Variants in TTF2 observed in about 807,000 individuals in gnomAD.
TTF2 encodes the protein RNA polymerase II termination factor.
A neutral mutation model predicts 142.4 loss-of-function variants in TTF2; 108 were observed. The ratio of observed to expected loss-of-function variants is 0.76; its 90% CI spans 0.65 to 0.89. The LOEUF is 0.89. Ranked by LOEUF, TTF2 falls within the 40% of genes least tolerant of loss-of-function variation. The pLI is 0.00. For synonymous variants in TTF2, 483 were observed against 506.2 expected, an observed-to-expected ratio of 0.95 and a Z score of 0.61; for missense variants, 1,327 against 1,379.8, an observed-to-expected ratio of 0.96 and a Z score of 0.61.
Position 117,092,885 on chromosome 1 carries a change from T to G in TTF2, c.2960T>G (p.Met987Arg). 1 of 1,614,184 alleles carries G rather than the reference T, an allele frequency of 6.2e-7. No individual in the cohort carries two copies. Among genetic ancestry groups the G allele is most frequent in the Non-Finnish European group, 8.5e-7 (1 of 1,180,038 alleles). The change falls in exon 18 of 23, where the codon ATG (methionine) becomes AGG (arginine). Residue 987 changes from methionine (M) to arginine (R), a missense_variant. Transcript: ENST00000369466. The surrounding 1 kb of genome is among the most constrained non-coding windows in gnomAD (Gnocchi z 4.4). ...TTCAAGATGGAGCTTTTTGAAGGCA[T>G]GCGAGAGAGCACCAAGGTACTTTTT... ...TFFKMELFEG[M>R]RESTKISSLL...
intron 21 of TTF2, chr1:117,098,236 G>A (rs1649326452): frequency 6.6e-6 from 1 of 151,454 alleles, no homozygotes; most frequent in African/African-American, 2.4e-5. Flanking sequence ...AGATTTTAAA[G>A]AGGTAAGATG....
rs537802245 is a variant in TTF2, at chr1:117,069,353, T to A, written c.219-4308T>A. On this transcript the variant is annotated intron_variant, in intron 3 of 22. Coordinates refer to ENST00000369466, the MANE Select transcript of TTF2 (RefSeq NM_003594.4). ...GGTTCTGTGACTCTAAGACATACAG[T>A]TCAGGGCTAGGAAGGTTACAGAGAA... Among the ~76,000 whole-genome samples the A allele has an allele frequency of 2.0e-5, 3 of 152,262 alleles. No individual in the cohort carries two copies. In the East Asian group the frequency reaches 5.8e-4, roughly 29 times the overall value.
Position 117,101,215 on chromosome 1 carries a change from T to C in TTF2, c.3345-165T>C, listed in dbSNP as rs1649557135. Among the ~76,000 whole-genome samples the C allele has an allele frequency of 6.6e-6, 1 of 152,222 alleles. No individual in the cohort carries two copies. The highest frequency in any genetic ancestry group is 2.4e-5 in the African/African-American group (1 of 41,458). On this transcript the variant is annotated intron_variant, in intron 22 of 22. Coordinates refer to ENST00000369466, the MANE Select transcript of TTF2 (RefSeq NM_003594.4). The surrounding 1 kb of genome is among the most constrained non-coding windows in gnomAD (Gnocchi z 5.9). ...TCCTTTTAAAGGGATATATATCTAG[T>C]CAAGGTTGTTTGGATTCCTCAGACA...
rs1433985720 is a variant in TTF2 at position 117,060,578 on chromosome 1, C to T, written c.131+21C>T. ...ACCGAGTAGGTCTGGAGCTGGGCCC[C>T]ACTCCCTGTGGCTGCCCGGGGCCTC... On this transcript the variant is annotated intron_variant, in intron 2 of 22. Transcript: ENST00000369466. 6 of 1,584,732 alleles carry T rather than the reference C, an allele frequency of 3.8e-6. No homozygotes were observed. The African/African-American group carries it at 5.4e-5, about 14-fold the overall frequency.
rs376928230 is a variant in TTF2 at position 117,084,168 on chromosome 1, T to G, written c.2054T>G (p.Val685Gly). The part of the protein sequence containing the change: ...HGPNRDSRAR[V>G]LSTYDIVITT... Reference sequence around the variant, plus strand: ...CCAAACCGGGATTCACGTGCCAGAGTGTAAGTGCAGGAATACGCAGTTGTG... The same window carrying G: ...CCAAACCGGGATTCACGTGCCAGAGGGTAAGTGCAGGAATACGCAGTTGTG... The change falls in exon 11 of 23, where the codon GTC becomes GGC. Residue 685 changes from valine to glycine, a missense_variant and splice_region_variant. Val to Gly is a moderately radical substitution (Grantham distance 109). Transcript: ENST00000369466. 2 of 1,613,896 alleles carry G rather than the reference T, an allele frequency of 1.2e-6. No homozygotes were observed. The highest frequency in any genetic ancestry group is 1.7e-6 in the Non-Finnish European group (2 of 1,180,006).
At chr1:117,072,079 G>A (rs1458178981) in intron 3 of TTF2, among the ~76,000 whole-genome samples, 3 of 152,188 alleles carry the variant, frequency 2.0e-5, no homozygotes, top group East Asian at 1.9e-4. Flanking sequence ...CCCATGCAAA[G>A]TCTAGTAGAC....
chr1:117,077,961 G>T lies in TTF2; in HGVS notation c.1619G>T (p.Ser540Ile). ...GTTCATGCAGTGTGGAAAATCACAAGTGAAGCCATCGGTCAACTGCATCGC... is the reference window on the plus strand; with the variant it reads ...GTTCATGCAGTGTGGAAAATCACAATTGAAGCCATCGGTCAACTGCATCGC... ...DHVHAVWKIT[S>I]EAIGQLHRSL... Residue 540 changes from serine to isoleucine, a missense_variant, in exon 8 of 23, where the codon AGT (serine) becomes ATT (isoleucine). Coordinates refer to ENST00000369466, the MANE Select transcript of TTF2 (RefSeq NM_003594.4). The T allele has an allele frequency of 6.2e-7, 1 of 1,614,182 alleles. No individual in the cohort carries two copies. Among genetic ancestry groups the T allele is most frequent in the South Asian group, 1.1e-5 (1 of 91,070 alleles).
chr1:117,086,443 C>G lies in TTF2; in HGVS notation c.2081C>G (p.Thr694Ser), dbSNP rs1648019767. ...CTCTCTACATATGACATCGTGATCA[C>G]TACCTATAGCCTCGTGGCCAAGGAG... ...RVLSTYDIVI[T>S]TYSLVAKEIP... Residue 694 changes from threonine (T) to serine (S), a missense_variant, in exon 12 of 23, where the codon ACT (threonine) becomes AGT (serine). By Grantham distance (58) the Thr-to-Ser change is moderately conservative (BLOSUM62 1). Transcript: ENST00000369466. This position sits in a 1 kb window ranked among gnomAD's most constrained non-coding sequence, Gnocchi z 4.2. 6.2e-7 allele frequency: 1 copy of G among 1,613,960 alleles called. No homozygotes were observed. Among genetic ancestry groups the G allele is most frequent in the African/African-American group, 1.3e-5 (1 of 74,898 alleles).
intron 11 of TTF2, 107 bp downstream of exon 11, chr1:117,084,275 G>T: frequency 7.1e-7 from 1 of 1,404,958 alleles, no homozygotes; most frequent in Admixed American, 2.0e-5. Context: ...ACGCGTATTT[G>T]TGAAAGCCAA....
intron 18 of TTF2, among the ~76,000 whole-genome samples, 170 bp from the exon 19 acceptor site, chr1:117,095,139 C>T (rs767019980): frequency 3.3e-5 from 5 of 152,176 alleles, no homozygotes; most frequent in Non-Finnish European, 7.3e-5. Flanking sequence ...GGTGAAGTGA[C>T]AAACTCACAT....
At position 117,062,470 on chromosome 1, in the gene TTF2, A is replaced by C. The variant is rs1655760952; in HGVS notation, c.215A>C (p.Tyr72Ser). ...CTTCTGCCACAGGACAAGAAAGAAT[A>C]CAGGTAAGGGTCCAAAAGGAACATC... ...GLLLPQDKKE[Y>S]RLFFRCIRSK... Residue 72 changes from tyrosine to serine, a missense_variant, in exon 3 of 23, where the codon TAC becomes TCC. Tyr to Ser is a moderately radical substitution (Grantham distance 144). Coordinates refer to ENST00000369466, the MANE Select transcript of TTF2 (RefSeq NM_003594.4). The C allele has an allele frequency of 6.2e-7, 1 of 1,611,490 alleles. No homozygotes were observed. Among genetic ancestry groups the C allele is most frequent in the Non-Finnish European group, 8.5e-7 (1 of 1,179,450 alleles).
At chr1:117,077,404 A>G (rs930622907) in intron 7 of TTF2, among the ~76,000 whole-genome samples, 4 of 152,230 alleles carry the variant, frequency 2.6e-5, no homozygotes, top group Admixed American at 1.3e-4. Context: ...GGCACATAGG[A>G]GTCATCCAGT....
rs1011614694 is a variant in TTF2 at position 117,104,888 on chromosome 1, G to A, written c.*3364G>A. On this transcript the variant is annotated 3_prime_UTR_variant, in exon 23 of 23. Transcript: ENST00000369466. ...TAACAGAAGTGGCATTCTGGTATCT[G>A]TCTCAGCCTCATATTCATTTTAGTG... The A allele has an allele frequency of 8.5e-5, 13 of 152,182 alleles. No individual in the cohort carries two copies. Among genetic ancestry groups the A allele is most frequent in the African/African-American group, 3.1e-4 (13 of 41,442 alleles). The allele number at this position is 152,182 out of a possible 1,614,324, so 9.4% of individuals were successfully genotyped here.
In TTF2 at chr1:117,097,307, G is replaced by A. The variant is rs758808070; in HGVS notation, c.3187-44G>A. On this transcript the variant is annotated intron_variant, in intron 20 of 22. Transcript: ENST00000369466. The surrounding 1 kb of genome is among the most constrained non-coding windows in gnomAD (Gnocchi z 4.1). ...TAAACCTGAGACCGAGATGTGTTAC[G>A]AGACCAAGTCTGTTTAAAGTTAATG... 7.6e-6 allele frequency: 12 copies of A among 1,575,708 alleles called. No homozygotes were observed. Among genetic ancestry groups the A allele is most frequent in the South Asian group, 6.6e-5 (6 of 90,260 alleles).
chr1:117,075,568 AGCGG>A lies in TTF2; in HGVS notation c.985_988del (p.Ala329LeufsTer49). 1 of 1,614,206 alleles carries A rather than the reference AGCGG, an allele frequency of 6.2e-7. No individual in the cohort carries two copies. Among genetic ancestry groups the A allele is most frequent in the Non-Finnish European group, 8.5e-7 (1 of 1,180,038 alleles). ...ACAGTGTGCCTGCTCCTGGAGGACC[AGCGG>A]CTCAGGCTGCACCAGCAGCACCAGG... On this transcript the variant is annotated frameshift_variant, in exon 5 of 23. Transcript: ENST00000369466. LOFTEE classifies it high-confidence loss of function. The surrounding 1 kb of genome is among the most constrained non-coding windows in gnomAD (Gnocchi z 4.5).
rs370204804 is a variant in TTF2 at position 117,101,584 on chromosome 1, T to G, written c.*60T>G. On this transcript the variant is annotated 3_prime_UTR_variant, in exon 23 of 23. Transcript: ENST00000369466. This position sits in a 1 kb window ranked among gnomAD's most constrained non-coding sequence, Gnocchi z 5.9. ...GCTGGTTTGTATTAGGATCTGGGAATAACAACCTAACCATGAGCCTTGAAC... is the reference window on the plus strand; with the variant it reads ...GCTGGTTTGTATTAGGATCTGGGAAGAACAACCTAACCATGAGCCTTGAAC... 4.4e-5 allele frequency: 64 copies of G among 1,460,246 alleles called. 1 individual carries two copies. In the African/African-American group the frequency reaches 7.4e-4, roughly 17 times the overall value. The allele number at this position is 1,460,246 out of a possible 1,614,324, so 90.5% of individuals were successfully genotyped here.
At chr1:117,065,546 G>A (rs750862022) in intron 3 of TTF2, among the ~76,000 whole-genome samples, 5 of 152,088 alleles carry the variant, frequency 3.3e-5, no homozygotes, top group Non-Finnish European at 7.4e-5. Context: ...ACAGTGAGCC[G>A]GGATCGCGCC....
rs1649255728 is a variant in TTF2, at chr1:117,097,491, A to G, written c.3269+58A>G. 37 of 1,511,250 alleles carry G rather than the reference A, an allele frequency of 2.4e-5. No homozygotes were observed. The South Asian group carries it at 3.7e-4, about 15-fold the overall frequency. 93.6% of individuals were successfully genotyped at this position (1,511,250 alleles called of 1,614,324 possible). A position where few individuals can be genotyped will look rare whatever the true frequency, so the allele number is the denominator to read the frequency against. Reference sequence around the variant, plus strand: ...AGCACATCAAGGAGGCCAGTGGGCTACAGGGGCAGCAAGAACTGACTTCTT... The same window carrying G: ...AGCACATCAAGGAGGCCAGTGGGCTGCAGGGGCAGCAAGAACTGACTTCTT... On this transcript the variant is annotated intron_variant, in intron 21 of 22. Transcript: ENST00000369466. This position sits in a 1 kb window ranked among gnomAD's most constrained non-coding sequence, Gnocchi z 4.1.
Position 117,090,201 on chromosome 1 carries a change from G to T in TTF2, c.2489G>T (p.Arg830Ile). The change falls in exon 14 of 23, where the codon AGA becomes ATA. Residue 830 changes from arginine to isoleucine, a missense_variant. Coordinates refer to ENST00000369466, the MANE Select transcript of TTF2 (RefSeq NM_003594.4). The surrounding 1 kb of genome is among the most constrained non-coding windows in gnomAD (Gnocchi z 4.8). ...RTKDQLDSTG[R>I]PLVILPQRKF... is the part of the protein sequence containing the mutation. ...AAAGACCAGCTGGACTCTACTGGCAGACCTTTGGTAATCAAGTTTGTACCT... is the reference window on the plus strand; with the variant it reads ...AAAGACCAGCTGGACTCTACTGGCATACCTTTGGTAATCAAGTTTGTACCT... 1 of 1,613,864 alleles carries T rather than the reference G, an allele frequency of 6.2e-7. No individual in the cohort carries two copies. Among genetic ancestry groups the T allele is most frequent in the South Asian group, 1.1e-5 (1 of 90,940 alleles).
Sources: gnomAD v4.1 joint callset for allele counts (sites outside exome capture counted in the v4.1 genomes callset) on GRCh38, gnomAD v4.1.1 for gene constraint, Gnocchi (gnomAD v3.1) non-coding constraint, MANE v1.5 for transcripts, NCBI Gene and HGNC (gene_info 2026-07-23, HGNC 2026-07-21) for gene names.